Variants in FAT3 observed in about 807,000 individuals in gnomAD.
FAT3 encodes the protein FAT atypical cadherin 3.
In FAT3, 95 loss-of-function variants were observed where a neutral mutation model predicts 310.2. The ratio of observed to expected loss-of-function variants is 0.31; its 90% confidence interval spans 0.26 to 0.36. FAT3 has a LOEUF of 0.36. Ranked by LOEUF, FAT3 falls within the 10% of genes least tolerant of loss-of-function variation. The probability of loss-of-function intolerance (pLI) is 1.00; values close to 1 mark genes in which losing one functional copy is unlikely to be tolerated. For synonymous variants in FAT3, 2,314 were observed against 2,192.9 expected (o/e 1.06, Z -1.54); for missense variants, 5,408 against 5,715.6 (o/e 0.95, Z 1.74).
intron 13 of FAT3, among the ~76,000 whole-genome samples, chr11:92,815,486 T>A (rs113216136): frequency 6.6e-6 from 1 of 151,860 alleles, no homozygotes; most frequent in Non-Finnish European, 1.5e-5. Context: ...GGCAGGAGAA[T>A]GGCATGAACC....
intron 6 of FAT3, among the ~76,000 whole-genome samples, chr11:92,769,415 G>A (rs1053125919): frequency 2.0e-5 from 3 of 152,088 alleles, no homozygotes; most frequent in African/African-American, 7.2e-5. Context: ...CACTTCTCAG[G>A]GGACTATGAT....
intron 2 of FAT3, among the ~76,000 whole-genome samples, chr11:92,468,887 G>C (rs1377311478): frequency 6.6e-6 from 1 of 152,042 alleles, no homozygotes; most frequent in East Asian, 1.9e-4. Flanking sequence ...CATATCAGAG[G>C]GTGTGGATAA....
chr11:92,881,890 A>G (rs948561436), intron 23 of FAT3, among the ~76,000 whole-genome samples: 1 of 152,138 alleles, frequency 6.6e-6, no homozygotes, highest in Non-Finnish European at 1.5e-5. Flanking sequence ...GAAAATCTAC[A>G]TGAGTATTAG....
chr11:92,525,281 A>C (rs886443305), intron 3 of FAT3, among the ~76,000 whole-genome samples: 1 of 152,086 alleles, frequency 6.6e-6, no homozygotes, highest in African/African-American at 2.4e-5. Flanking sequence ...CCTCTGCTGG[A>C]TTCTATGAGC....
intron 3 of FAT3, among the ~76,000 whole-genome samples, chr11:92,637,932 TG>T (rs1179794070): frequency 6.6e-6 from 1 of 152,232 alleles, no homozygotes; most frequent in East Asian, 1.9e-4. Context: ...AGCCGCATGC[TG>T]TTTGGATATT....
intron 3 of FAT3, among the ~76,000 whole-genome samples, chr11:92,619,523 T>G (rs1247062891): frequency 1.3e-5 from 2 of 152,176 alleles, no homozygotes; most frequent in Non-Finnish European, 2.9e-5. Context: ...GTTTTGCTTT[T>G]AATTATTAAT....
chr11:92,894,827 A>G lies in FAT3; in HGVS notation c.*3714A>G, dbSNP rs1004871227. On this transcript the variant is annotated 3_prime_UTR_variant, in exon 28 of 28. Transcript: ENST00000525166. ...AATGTGAAAGGCTGGAAAGGGAACT[A>G]GTTTCTGGGATTTGCCTGGAACTTC... The G allele has an allele frequency of 3.9e-5, 6 of 152,164 alleles. No homozygotes were observed. Among genetic ancestry groups the G allele is most frequent in the Non-Finnish European group, 4.4e-5 (3 of 68,028 alleles). 9.4% of individuals were successfully genotyped at this position (152,164 alleles called of 1,614,324 possible).
chr11:92,458,555 T>A (rs1036928354), intron 2 of FAT3, among the ~76,000 whole-genome samples: 6 of 149,996 alleles, frequency 4.0e-5, no homozygotes, highest in Admixed American at 3.4e-4. Context: ...CTGCACCCCC[T>A]TATTTCTGCT....
At chr11:92,315,898 A>C (rs1344610929) in intron 1 of FAT3, among the ~76,000 whole-genome samples, 1 of 152,134 alleles carries the variant, frequency 6.6e-6, no homozygotes, top group Non-Finnish European at 1.5e-5. Flanking sequence ...GGAAAGGTTG[A>C]AATTTGTCTT....
intron 1 of FAT3, among the ~76,000 whole-genome samples, chr11:92,291,113 A>G (rs201635102): frequency 1.3e-5 from 2 of 151,314 alleles, no homozygotes; most frequent in East Asian, 4.0e-4. Flanking sequence ...ACACACACAC[A>G]CACATGCACG....
At chr11:92,504,455 G>T (rs1024547936) in intron 2 of FAT3, among the ~76,000 whole-genome samples, 1 of 151,988 alleles carries the variant, frequency 6.6e-6, no homozygotes, top group African/African-American at 2.4e-5. Context: ...ATTACTTAGG[G>T]GTTTAATATT....
chr11:92,398,800 G>A (rs1949946551), intron 2 of FAT3, among the ~76,000 whole-genome samples: 1 of 152,100 alleles, frequency 6.6e-6, no homozygotes, highest in Admixed American at 6.6e-5. Context: ...GTTTAGACAT[G>A]TTTGTTGCTT....
intron 10 of FAT3, among the ~76,000 whole-genome samples, 193 bp downstream of exon 10, chr11:92,802,102 T>G (rs1947377071): frequency 6.6e-6 from 1 of 152,120 alleles, no homozygotes; most frequent in Non-Finnish European, 1.5e-5. Context: ...TCAGCCTTAG[T>G]TTGGAGTTCA....
chr11:92,744,911 T>C (rs1247594837), intron 4 of FAT3, among the ~76,000 whole-genome samples: 1 of 152,234 alleles, frequency 6.6e-6, no homozygotes, highest in African/African-American at 2.4e-5. Context: ...GGCAAGGTGT[T>C]AAATTACCTG....
intron 6 of FAT3, among the ~76,000 whole-genome samples, chr11:92,768,577 A>G (rs1288150242): frequency 6.6e-6 from 1 of 152,136 alleles, no homozygotes; most frequent in Non-Finnish European, 1.5e-5. Context: ...TCTCGCTCTC[A>G]AGATTTCCTG....
chr11:92,500,232 A>G (rs2135270028), intron 2 of FAT3, among the ~76,000 whole-genome samples: 1 of 152,170 alleles, frequency 6.6e-6, no homozygotes, highest in East Asian at 1.9e-4. Context: ...ATGAATTCCA[A>G]AAGATTGTAT....
chr11:92,567,137 A>T (rs1332910786), intron 3 of FAT3, among the ~76,000 whole-genome samples: 1 of 151,814 alleles, frequency 6.6e-6, no homozygotes, highest in Admixed American at 6.6e-5. Flanking sequence ...CAACCTACTC[A>T]TCTGACAAAG....
At chr11:92,805,710 T>C (rs1947489309) in intron 11 of FAT3, among the ~76,000 whole-genome samples, 2 of 152,202 alleles carry the variant, frequency 1.3e-5, no homozygotes, top group Admixed American at 1.3e-4. Context: ...CTTGTTTATA[T>C]AAGTTTACAC....
chr11:92,627,530 G>A (rs1186156076), intron 3 of FAT3, among the ~76,000 whole-genome samples: 2 of 152,078 alleles, frequency 1.3e-5, no homozygotes, highest in African/African-American at 4.8e-5. Context: ...GGTAGAGAGA[G>A]GGGAAGGGAG....
Sources: allele counts gnomAD v4.1 joint callset (sites outside exome capture counted in the v4.1 genomes callset), GRCh38; gene constraint gnomAD v4.1.1; transcripts MANE v1.5; gene names NCBI Gene and HGNC (gene_info 2026-07-23, HGNC 2026-07-21).